The following TENM4 variants were observed in gnomAD, a reference collection of about 807,000 sequenced individuals.
TENM4 encodes teneurin transmembrane protein 4, also known as teneurin-4.
TENM4 carries 82 observed loss-of-function variants against 243.3 expected under a neutral mutation model. The observed-to-expected ratio is 0.34, with a 90% CI of 0.28 to 0.40. The LOEUF is 0.40. TENM4 is among the 10% of genes least tolerant of loss of function. The probability of loss-of-function intolerance (pLI) is 1.00; values close to 1 mark genes in which losing one functional copy is unlikely to be tolerated. For synonymous variants in TENM4, 1,412 were observed against 1,456.3 expected, an observed-to-expected ratio of 0.97 and a Z score of 0.69; for missense variants, 3,138 against 3,673.3, an observed-to-expected ratio of 0.85 and a Z score of 3.77.
chr11:79,210,298 C>G (rs1050426128), intron 3 of TENM4, among the ~76,000 whole-genome samples: 1 of 152,156 alleles, frequency 6.6e-6, no homozygotes, highest in African/African-American at 2.4e-5. Context: ...ACATCTTAAT[C>G]GTCATGTCTT....
chr11:79,381,350 A>G (rs1857998420), intron 1 of TENM4, among the ~76,000 whole-genome samples: 1 of 150,022 alleles, frequency 6.7e-6, no homozygotes, highest in Non-Finnish European at 1.5e-5. Flanking sequence ...AAAAAAATCC[A>G]GGAGGAAAGA....
chr11:79,398,185 C>T (rs780226699), intron 1 of TENM4, among the ~76,000 whole-genome samples: 2 of 151,908 alleles, frequency 1.3e-5, no homozygotes, highest in Non-Finnish European at 2.9e-5. Flanking sequence ...TTTTCCTATG[C>T]TTTGCAACTC....
chr11:79,147,397 G>A (rs1051345561), intron 4 of TENM4, among the ~76,000 whole-genome samples: 7 of 151,962 alleles, frequency 4.6e-5, no homozygotes, highest in African/African-American at 1.2e-4. Flanking sequence ...GCAGCTTCTC[G>A]GACCCACTCT....
chr11:79,283,532 A>G (rs777278597), intron 2 of TENM4, among the ~76,000 whole-genome samples: 1 of 152,142 alleles, frequency 6.6e-6, no homozygotes, highest in Non-Finnish European at 1.5e-5. Context: ...TGACAAAAAA[A>G]CCCAACAAAC....
At chr11:78,818,575 T>C (rs1260660668) in intron 12 of TENM4, among the ~76,000 whole-genome samples, 1 of 152,264 alleles carries the variant, frequency 6.6e-6, no homozygotes, top group Admixed American at 6.5e-5. Flanking sequence ...TATATTTTTC[T>C]TCCACTTGGA....
chr11:78,854,488 A>G (rs1858626026), intron 11 of TENM4, among the ~76,000 whole-genome samples, 174 bp from the exon 12 acceptor site: 1 of 152,164 alleles, frequency 6.6e-6, no homozygotes, highest in African/African-American at 2.4e-5. Flanking sequence ...CCCCAGACCC[A>G]TTTTTTCATG....
intron 4 of TENM4, among the ~76,000 whole-genome samples, chr11:79,105,067 C>T (rs956387588): frequency 1.3e-5 from 2 of 152,168 alleles, no homozygotes; most frequent in Non-Finnish European, 2.9e-5. Flanking sequence ...CAATTAAGTT[C>T]TATAATCACA....
At chr11:79,213,456 T>C (rs537355) in intron 3 of TENM4, among the ~76,000 whole-genome samples, 96,454 of 152,062 alleles carry the variant, frequency 0.63, 31,663 homozygotes, top group Middle Eastern at 0.79. Context: ...ACAGATGCTA[T>C]GGAGAAAGGT....
chr11:78,852,540 G>A (rs187736394), intron 12 of TENM4, among the ~76,000 whole-genome samples: 204 of 152,214 alleles, frequency 1.3e-3, no homozygotes, highest in African/African-American at 4.3e-3. Context: ...AAAATTAGCT[G>A]GGCATGGTGG....
At chr11:79,166,779 G>A (rs759857745) in intron 3 of TENM4, among the ~76,000 whole-genome samples, 2 of 152,210 alleles carry the variant, frequency 1.3e-5, no homozygotes, top group Non-Finnish European at 2.9e-5. Flanking sequence ...GGCAGAATCA[G>A]TGCAGGGTTT....
At chr11:79,163,022 T>G (rs993074720) in intron 3 of TENM4, among the ~76,000 whole-genome samples, 6 of 152,202 alleles carry the variant, frequency 3.9e-5, no homozygotes, top group Non-Finnish European at 8.8e-5. Context: ...ATGGTCCTTC[T>G]GCCTAAAAGG....
At chr11:78,924,187 C>T (rs1458477503) in intron 6 of TENM4, among the ~76,000 whole-genome samples, 1 of 152,306 alleles carries the variant, frequency 6.6e-6, no homozygotes, top group Admixed American at 6.5e-5. Context: ...GCAATGGAAG[C>T]CAGTCTGTCT....
intron 15 of TENM4, among the ~76,000 whole-genome samples, chr11:78,802,122 G>T (rs557731357): frequency 1.3e-5 from 2 of 152,242 alleles, no homozygotes; most frequent in South Asian, 4.1e-4. Flanking sequence ...TAGTTTCTTG[G>T]CTCTAGTGAA....
chr11:78,686,337 A>G (rs778687778), intron 29 of TENM4, among the ~76,000 whole-genome samples: 1 of 152,160 alleles, frequency 6.6e-6, no homozygotes, highest in Non-Finnish European at 1.5e-5. Context: ...CTTACCCTAT[A>G]TCTTGTCATA....
intron 6 of TENM4, among the ~76,000 whole-genome samples, chr11:78,963,040 G>A (rs1857365762): frequency 6.6e-6 from 1 of 152,202 alleles, no homozygotes. Context: ...TTTATATTCA[G>A]AATCTAACAT....
chr11:78,883,688 G>A (rs1855486377), intron 9 of TENM4, among the ~76,000 whole-genome samples: 1 of 152,252 alleles, frequency 6.6e-6, no homozygotes. Flanking sequence ...CGCAGTGTCT[G>A]CGTTTTACAT....
intron 2 of TENM4, among the ~76,000 whole-genome samples, chr11:79,294,193 C>G (rs1856406623): frequency 6.6e-6 from 1 of 152,190 alleles, no homozygotes; most frequent in Non-Finnish European, 1.5e-5. Flanking sequence ...ATTACTACTA[C>G]TACTGCTGCT....
intron 4 of TENM4, among the ~76,000 whole-genome samples, chr11:79,084,280 G>T (rs775588065): frequency 6.6e-6 from 1 of 152,186 alleles, no homozygotes; most frequent in Non-Finnish European, 1.5e-5. Flanking sequence ...GAATATAAAA[G>T]TGTACAGCCC....
intron 1 of TENM4, among the ~76,000 whole-genome samples, chr11:79,407,022 T>C (rs1396347113): frequency 6.6e-6 from 1 of 152,184 alleles, no homozygotes. Context: ...GACAGTTTCC[T>C]GCCCCTGACC....
Sources: gnomAD v4.1 joint callset for allele counts (sites outside exome capture counted in the v4.1 genomes callset) on GRCh38, gnomAD v4.1.1 for gene constraint, MANE v1.5 for transcripts, NCBI Gene and HGNC (gene_info 2026-07-23, HGNC 2026-07-21) for gene names.